BNC2: variants seen among roughly 807,000 people sequenced by gnomAD.
The protein encoded by BNC2 is basonuclin zinc finger protein 2.
A neutral mutation model predicts 76.3 loss-of-function variants in BNC2; 20 were observed. The observed-to-expected ratio is 0.26, with a 90% CI of 0.18 to 0.38. The LOEUF is 0.38. Among genes scored for constraint, BNC2 ranks in the 10% least tolerant of loss-of-function variants. The pLI, the probability that BNC2 is intolerant of heterozygous loss-of-function variation, is 1.00. For synonymous variants in BNC2, 582 were observed against 514.8 expected (o/e 1.13, Z -1.77); for missense variants, 1,382 against 1,399.8 (o/e 0.99, Z 0.20).
chr9:16,702,542 A>C (rs948513316), intron 3 of BNC2, among the ~76,000 whole-genome samples: 37 of 146,966 alleles, frequency 2.5e-4, no homozygotes, highest in Middle Eastern at 3.6e-3. Context: ...TTTACTTAAA[A>C]AAAAAAAAAA....
At chr9:16,457,954 G>A (rs1230729970) in intron 5 of BNC2, among the ~76,000 whole-genome samples, 1 of 152,160 alleles carries the variant, frequency 6.6e-6, no homozygotes, top group African/African-American at 2.4e-5. Flanking sequence ...ATTCTGTGAT[G>A]GTGGCTCTAG....
At chr9:16,802,737 G>A (rs1244035690) in intron 1 of BNC2, among the ~76,000 whole-genome samples, 4 of 152,160 alleles carry the variant, frequency 2.6e-5, no homozygotes, top group African/African-American at 9.7e-5. Context: ...AGATCATGGT[G>A]GGTTCTATGT....
At chr9:16,489,341 CAT>C (rs1822226120) in intron 5 of BNC2, among the ~76,000 whole-genome samples, 1 of 152,150 alleles carries the variant, frequency 6.6e-6, no homozygotes, top group African/African-American at 2.4e-5. Flanking sequence ...TAAATAGACA[CAT>C]GTGGCTAGTG....
At chr9:16,762,211 A>G (rs1290174709) in intron 1 of BNC2, among the ~76,000 whole-genome samples, 1 of 152,168 alleles carries the variant, frequency 6.6e-6, no homozygotes, top group African/African-American at 2.4e-5. Context: ...GCCATATGGA[A>G]GTACCTCACC....
At chr9:16,780,251 A>AC (rs1554729488) in intron 1 of BNC2, among the ~76,000 whole-genome samples, 38 of 101,950 alleles carry the variant, frequency 3.7e-4, no homozygotes, top group East Asian at 1.7e-3. Context: ...AAAAAAAAAA[A>AC]AAAAACAAAA....
chr9:16,786,438 G>GA lies in BNC2; in HGVS notation c.4-47954dup, dbSNP rs200400414. 7.7e-3 allele frequency among the ~76,000 whole-genome samples: 1,157 copies of GA among 150,504 alleles called. 11 individuals carry two copies. Among genetic ancestry groups the GA allele is most frequent in the African/African-American group, 0.026 (1,072 of 41,056 alleles). On this transcript the variant is annotated intron_variant, in intron 1 of 6. Transcript: ENST00000380672. Reference sequence around the variant, plus strand: ...AGACCCAGTACAGAAGAAACGGAGGGAAAAAAAAAGTCAGTCTCTACCTGA... The same window carrying GA: ...AGACCCAGTACAGAAGAAACGGAGGGAAAAAAAAAAGTCAGTCTCTACCTGA...
intron 5 of BNC2, 92 bp from the exon 6 acceptor site, chr9:16,437,616 C>T: frequency 1.4e-6 from 2 of 1,428,356 alleles, no homozygotes; most frequent in Non-Finnish European, 1.9e-6. Context: ...GCTCTGTGTG[C>T]TCATAAAACA....
chr9:16,807,029 A>C (rs763947785), intron 1 of BNC2, among the ~76,000 whole-genome samples: 2 of 152,174 alleles, frequency 1.3e-5, no homozygotes, highest in Admixed American at 1.3e-4. Flanking sequence ...GGTTAGACCC[A>C]ATGTAATGTT....
intron 1 of BNC2, among the ~76,000 whole-genome samples, chr9:16,796,658 AAAG>A (rs965550574): frequency 4.6e-5 from 7 of 152,036 alleles, no homozygotes; most frequent in African/African-American, 1.7e-4. Context: ...AGAGAAAAAA[AAAG>A]AAAGAAAAGA....
chr9:16,851,754 G>C (rs1231971926), intron 1 of BNC2, among the ~76,000 whole-genome samples: 2 of 151,980 alleles, frequency 1.3e-5, no homozygotes, highest in African/African-American at 4.8e-5. Flanking sequence ...AAAAATGAAG[G>C]AAAAAGTTAT....
At chr9:16,615,671 T>A (rs1004535421) in intron 3 of BNC2, among the ~76,000 whole-genome samples, 5 of 152,216 alleles carry the variant, frequency 3.3e-5, no homozygotes, top group African/African-American at 1.2e-4. Flanking sequence ...CAAGTCTTCA[T>A]TTCCTTATGA....
chr9:16,553,496 AAAAG>A (rs1818727974), intron 4 of BNC2, among the ~76,000 whole-genome samples: 1 of 152,244 alleles, frequency 6.6e-6, no homozygotes, highest in Non-Finnish European at 1.5e-5. Flanking sequence ...CATAATTTTA[AAAAG>A]AAAGAAATAA....
chr9:16,483,048 T>C (rs1348693740), intron 5 of BNC2, among the ~76,000 whole-genome samples: 1 of 152,166 alleles, frequency 6.6e-6, no homozygotes, highest in Non-Finnish European at 1.5e-5. Context: ...AAACAAAAAG[T>C]GCCATTTTGT....
At chr9:16,775,382 C>T (rs948478479) in intron 1 of BNC2, among the ~76,000 whole-genome samples, 13 of 131,840 alleles carry the variant, frequency 9.9e-5, no homozygotes, top group Non-Finnish European at 1.6e-4. Context: ...TTTCCTTAAA[C>T]ACTGATTTCG....
chr9:16,680,389 C>T (rs1180692847), intron 3 of BNC2, among the ~76,000 whole-genome samples: 3 of 151,930 alleles, frequency 2.0e-5, no homozygotes, highest in African/African-American at 7.3e-5. Context: ...TAATTATACT[C>T]CTCATTTAAA....
intron 2 of BNC2, among the ~76,000 whole-genome samples, chr9:16,736,460 T>A (rs1270521841): frequency 2.0e-5 from 3 of 151,068 alleles, no homozygotes; most frequent in East Asian, 1.9e-4. Context: ...ATTATTATTG[T>A]TTATTATTAT....
Position 16,418,876 on chromosome 9 carries a change from C to CACACACAG in BNC2, c.*112_*113insCTGTGTGT. 1 of 1,033,520 alleles carries CACACACAG rather than the reference C, an allele frequency of 9.7e-7. No homozygotes were observed. The highest frequency in any genetic ancestry group is 2.5e-5 in the East Asian group (1 of 39,354). The allele number at this position is 1,033,520 out of a possible 1,614,324, so 64.0% of individuals were successfully genotyped here. ...TAGCCACAGAGCATACATAAATGCA[C>CACACACAG]ACACACACACACACACACACACACC... On this transcript the variant is annotated 3_prime_UTR_variant, in exon 7 of 7. Coordinates refer to ENST00000380672, the MANE Select transcript of BNC2 (RefSeq NM_017637.6).
At chr9:16,799,776 A>G (rs1563948651) in intron 1 of BNC2, among the ~76,000 whole-genome samples, 1 of 152,230 alleles carries the variant, frequency 6.6e-6, no homozygotes, top group Non-Finnish European at 1.5e-5. Flanking sequence ...ACAAAACCAG[A>G]AGAAACAATA....
chr9:16,720,077 A>C (rs1188048522), intron 3 of BNC2, among the ~76,000 whole-genome samples: 1 of 152,232 alleles, frequency 6.6e-6, no homozygotes. Flanking sequence ...CTGAATGATA[A>C]GCCAGGGCCC....
Sources: allele counts gnomAD v4.1 joint callset (sites outside exome capture counted in the v4.1 genomes callset), GRCh38; gene constraint gnomAD v4.1.1; transcripts MANE v1.5; gene names NCBI Gene and HGNC (gene_info 2026-07-23, HGNC 2026-07-21).